The following GRIK2 variants were observed in gnomAD, a reference collection of about 807,000 sequenced individuals.
GRIK2 encodes glutamate receptor ionotropic, kainate 2.
In GRIK2, 32 loss-of-function variants were observed where a neutral mutation model predicts 100.3. The observed-to-expected ratio is 0.32, with a 90% confidence interval of 0.24 to 0.43. GRIK2 has a LOEUF of 0.43. Ranked by LOEUF, GRIK2 falls within the 20% of genes least tolerant of loss-of-function variation. GRIK2 has a pLI of 1.00. For synonymous variants in GRIK2, 417 were observed against 389.4 expected (o/e 1.07, Z -0.83); for missense variants, 843 against 1,114.9 (o/e 0.76, Z 3.47).
chr6:101,582,115 A>G (rs1778132162), intron 2 of GRIK2, among the ~76,000 whole-genome samples: 1 of 151,792 alleles, frequency 6.6e-6, no homozygotes. Flanking sequence ...ACATGTGCAG[A>G]ACGTACAGGT....
chr6:101,587,362 C>T (rs532676140), intron 2 of GRIK2, among the ~76,000 whole-genome samples: 1 of 150,820 alleles, frequency 6.6e-6, no homozygotes. Flanking sequence ...AATTAAATGA[C>T]AGAATCTATC....
At chr6:101,782,316 T>G (rs548390432) in intron 7 of GRIK2, among the ~76,000 whole-genome samples, 1 of 152,312 alleles carries the variant, frequency 6.6e-6, no homozygotes, top group South Asian at 2.1e-4. Context: ...TAACTGTAAG[T>G]TTGTAAACAT....
chr6:101,894,846 CT>C (rs1164367404), intron 12 of GRIK2, among the ~76,000 whole-genome samples: 1 of 151,392 alleles, frequency 6.6e-6, no homozygotes, highest in African/African-American at 2.4e-5. Context: ...CATTATTGGT[CT>C]AGGGTTCTTA....
chr6:101,615,000 T>A (rs1779829660), intron 2 of GRIK2, among the ~76,000 whole-genome samples: 1 of 151,744 alleles, frequency 6.6e-6, no homozygotes, highest in Non-Finnish European at 1.5e-5. Flanking sequence ...GAAGTTCTTT[T>A]GTGAGTCAGA....
At chr6:101,770,394 G>A (rs898016164) in intron 7 of GRIK2, among the ~76,000 whole-genome samples, 2 of 152,084 alleles carry the variant, frequency 1.3e-5, no homozygotes, top group Non-Finnish European at 2.9e-5. Flanking sequence ...TATTTTTCCT[G>A]AGTAAAGTGT....
intron 2 of GRIK2, among the ~76,000 whole-genome samples, chr6:101,486,389 G>A (rs1230263796): frequency 7.7e-6 from 1 of 130,008 alleles, no homozygotes; most frequent in Non-Finnish European, 1.7e-5. Flanking sequence ...GAGGGGGTGG[G>A]GCGGGGGGGG....
At chr6:101,838,273 G>A (rs758985675) in intron 10 of GRIK2, among the ~76,000 whole-genome samples, 6 of 152,108 alleles carry the variant, frequency 3.9e-5, no homozygotes, top group Admixed American at 3.9e-4. Flanking sequence ...TCCATGTCAT[G>A]TAAAACTTGT....
At chr6:101,647,251 T>C (rs561866811) in intron 4 of GRIK2, among the ~76,000 whole-genome samples, 1 of 152,042 alleles carries the variant, frequency 6.6e-6, no homozygotes, top group South Asian at 2.1e-4. Context: ...CTTCTATGTG[T>C]ATTGGTAGAT....
chr6:101,421,673 A>C (rs2128240434), intron 2 of GRIK2, among the ~76,000 whole-genome samples: 1 of 152,202 alleles, frequency 6.6e-6, no homozygotes, highest in South Asian at 2.1e-4. Context: ...TTTTTTCTCC[A>C]AAATAACACC....
At chr6:101,742,481 A>G (rs1221404399) in intron 7 of GRIK2, among the ~76,000 whole-genome samples, 2 of 152,190 alleles carry the variant, frequency 1.3e-5, no homozygotes, top group Non-Finnish European at 2.9e-5. Flanking sequence ...ACAGCCCTTA[A>G]GAGGTCCTGA....
intron 2 of GRIK2, among the ~76,000 whole-genome samples, chr6:101,521,648 GTAAAA>G (rs1313730059): frequency 6.6e-6 from 1 of 151,702 alleles, no homozygotes; most frequent in Non-Finnish European, 1.5e-5. Flanking sequence ...ATGAAATAAA[GTAAAA>G]TAAGATACTT....
chr6:101,630,628 G>T (rs756859063), intron 4 of GRIK2, among the ~76,000 whole-genome samples: 1 of 152,002 alleles, frequency 6.6e-6, no homozygotes, highest in Non-Finnish European at 1.5e-5. Flanking sequence ...TTTGCTTGAT[G>T]CATAGTTTGT....
intron 14 of GRIK2, among the ~76,000 whole-genome samples, chr6:102,008,272 G>A (rs1461656693): frequency 6.6e-6 from 1 of 151,948 alleles, no homozygotes; most frequent in Admixed American, 6.6e-5. Flanking sequence ...TTAGAAAGAG[G>A]ACTTGGAAGA....
intron 7 of GRIK2, among the ~76,000 whole-genome samples, chr6:101,716,288 T>C (rs971286192): frequency 5.9e-5 from 9 of 151,662 alleles, no homozygotes; most frequent in African/African-American, 1.9e-4. Context: ...TTAGGTTAAT[T>C]GGTGGAATCT....
At chr6:101,761,287 A>G (rs1017229470) in intron 7 of GRIK2, among the ~76,000 whole-genome samples, 4 of 152,170 alleles carry the variant, frequency 2.6e-5, no homozygotes, top group Admixed American at 2.0e-4. Context: ...GCAATAATAA[A>G]GGAAAATGAA....
At chr6:101,409,509 C>T (rs954094079) in intron 2 of GRIK2, among the ~76,000 whole-genome samples, 1 of 152,012 alleles carries the variant, frequency 6.6e-6, no homozygotes, top group Non-Finnish European at 1.5e-5. Flanking sequence ...AAAGTTAAGA[C>T]AACTTTAGTA....
chr6:101,726,663 T>C (rs972782942), intron 7 of GRIK2, among the ~76,000 whole-genome samples: 1 of 152,002 alleles, frequency 6.6e-6, no homozygotes, highest in African/African-American at 2.4e-5. Context: ...ATTTGAACAA[T>C]GTATATTAAA....
At chr6:101,801,286 A>G (rs1313447626) in intron 8 of GRIK2, among the ~76,000 whole-genome samples, 1 of 152,000 alleles carries the variant, frequency 6.6e-6, no homozygotes, top group Non-Finnish European at 1.5e-5. Context: ...TTTGGAAGCC[A>G]TTAGGCTAAA....
At chr6:101,913,532 A>G (rs541536152) in intron 12 of GRIK2, among the ~76,000 whole-genome samples, 3 of 151,726 alleles carry the variant, frequency 2.0e-5, no homozygotes, top group African/African-American at 7.2e-5. Context: ...CATTTAATCT[A>G]TTAGTAAGTG....
Sources: gnomAD v4.1 joint callset for allele counts (sites outside exome capture counted in the v4.1 genomes callset) on GRCh38, gnomAD v4.1.1 for gene constraint, MANE v1.5 for transcripts, NCBI Gene and HGNC (gene_info 2026-07-23, HGNC 2026-07-21) for gene names.